PRKCA: variants seen among roughly 807,000 people sequenced by gnomAD.
The protein encoded by PRKCA is protein kinase C alpha type.
PRKCA carries 27 observed loss-of-function variants against 87.0 expected under a neutral mutation model. That is an observed-to-expected ratio of 0.31 (90% CI 0.23 to 0.43). PRKCA has a LOEUF of 0.43. Among genes scored for constraint, PRKCA ranks in the 20% least tolerant of loss-of-function variants. PRKCA has a pLI of 1.00. For missense variants in PRKCA, 518 were observed against 852.3 expected (o/e 0.61, Z 4.88); for synonymous variants, 329 against 311.1 (o/e 1.06, Z -0.61).
intron 3 of PRKCA, among the ~76,000 whole-genome samples, chr17:66,534,872 A>G (rs981705210): frequency 2.6e-5 from 4 of 152,164 alleles, no homozygotes; most frequent in Non-Finnish European, 5.9e-5. Flanking sequence ...GTCTAGTGTC[A>G]TATGCTGCTT....
intron 2 of PRKCA, among the ~76,000 whole-genome samples, chr17:66,494,230 T>C (rs554816834): frequency 1.3e-5 from 2 of 152,312 alleles, no homozygotes; most frequent in African/African-American, 4.8e-5. Flanking sequence ...GAGCCACACA[T>C]TTGGGAAACT....
chr17:66,475,161 T>C (rs1460642979), intron 2 of PRKCA, among the ~76,000 whole-genome samples: 1 of 152,202 alleles, frequency 6.6e-6, no homozygotes, highest in Non-Finnish European at 1.5e-5. Flanking sequence ...TTCATTCTCT[T>C]GTTGGAAAAC....
At chr17:66,451,723 C>T (rs1349492194) in intron 2 of PRKCA, among the ~76,000 whole-genome samples, 3 of 152,018 alleles carry the variant, frequency 2.0e-5, no homozygotes, top group South Asian at 2.1e-4. Flanking sequence ...GAGGAGGGGC[C>T]GGGGCAAGGA....
chr17:66,535,999 C>T (rs915708153), intron 3 of PRKCA, among the ~76,000 whole-genome samples: 1 of 152,182 alleles, frequency 6.6e-6, no homozygotes, highest in Non-Finnish European at 1.5e-5. Context: ...TAATTATTTG[C>T]CTGACTTTGG....
chr17:66,767,025 C>T (rs989080100), intron 13 of PRKCA, among the ~76,000 whole-genome samples: 1 of 151,956 alleles, frequency 6.6e-6, no homozygotes, highest in African/African-American at 2.4e-5. Context: ...TTTCATTAAT[C>T]CCAGTATCAA....
At chr17:66,332,693 T>TA (rs1906412440) in intron 2 of PRKCA, among the ~76,000 whole-genome samples, 1 of 121,526 alleles carries the variant, frequency 8.2e-6, no homozygotes, top group Non-Finnish European at 1.7e-5. Context: ...ATTTTGTTTT[T>TA]AATTTTTTTT....
intron 5 of PRKCA, among the ~76,000 whole-genome samples, chr17:66,663,032 G>C (rs954966965): frequency 4.3e-4 from 65 of 152,304 alleles, no homozygotes; most frequent in African/African-American, 1.4e-3. Flanking sequence ...CTCTTCTGCT[G>C]GCGGATGGAG....
intron 3 of PRKCA, among the ~76,000 whole-genome samples, chr17:66,502,697 C>A (rs987465389): frequency 5.3e-5 from 8 of 152,144 alleles, no homozygotes; most frequent in Non-Finnish European, 1.2e-4. Context: ...CTCTGTTGCC[C>A]AGGTTGGAGT....
chr17:66,706,872 C>G (rs1186103666), intron 8 of PRKCA, among the ~76,000 whole-genome samples: 5 of 152,194 alleles, frequency 3.3e-5, no homozygotes, highest in Non-Finnish European at 7.3e-5. Flanking sequence ...TGTATGCCCT[C>G]TGGTCCTTTA....
At chr17:66,777,496 C>G (rs1005863485) in intron 14 of PRKCA, 2 of 976,836 alleles carry the variant, frequency 2.0e-6, no homozygotes, top group African/African-American at 1.8e-5. Flanking sequence ...AAAGGCAGTT[C>G]GTACACAGTC....
chr17:66,402,206 C>T (rs1485281864), intron 2 of PRKCA, among the ~76,000 whole-genome samples: 1 of 152,078 alleles, frequency 6.6e-6, no homozygotes, highest in Non-Finnish European at 1.5e-5. Flanking sequence ...TTGGCAGTGT[C>T]AAGATACAAA....
intron 13 of PRKCA, among the ~76,000 whole-genome samples, chr17:66,749,842 G>A (rs1002938379): frequency 1.3e-5 from 2 of 152,104 alleles, no homozygotes; most frequent in African/African-American, 4.8e-5. Context: ...CATCACAGGT[G>A]TTGGGCTGAT....
At chr17:66,495,440 C>A (rs1916427539) in intron 2 of PRKCA, among the ~76,000 whole-genome samples, 4 of 152,014 alleles carry the variant, frequency 2.6e-5, no homozygotes, top group Admixed American at 2.6e-4. Context: ...CAGTTATTCT[C>A]TTTATATTTT....
intron 2 of PRKCA, among the ~76,000 whole-genome samples, chr17:66,377,670 A>G (rs1909513563): frequency 7.0e-6 from 1 of 141,968 alleles, no homozygotes; most frequent in Non-Finnish European, 1.5e-5. Context: ...TATATATAAA[A>G]TGTCTATTAT....
chr17:66,318,019 A>G (rs563329388), intron 2 of PRKCA, among the ~76,000 whole-genome samples: 2 of 152,368 alleles, frequency 1.3e-5, no homozygotes, highest in South Asian at 4.1e-4. Context: ...GAAGTTGTAC[A>G]TGGATGACTT....
At chr17:66,448,428 T>A (rs1914145408) in intron 2 of PRKCA, among the ~76,000 whole-genome samples, 1 of 152,214 alleles carries the variant, frequency 6.6e-6, no homozygotes, top group Non-Finnish European at 1.5e-5. Context: ...TAGGCTCTTC[T>A]TGAGCCCTAT....
intron 3 of PRKCA, among the ~76,000 whole-genome samples, chr17:66,564,211 T>C (rs899606531): frequency 6.6e-6 from 1 of 152,090 alleles, no homozygotes; most frequent in Non-Finnish European, 1.5e-5. Flanking sequence ...CCCGAGTAGC[T>C]AGAATTACAT....
At chr17:66,737,673 G>C (rs530493197) in intron 10 of PRKCA, among the ~76,000 whole-genome samples, 1 of 152,208 alleles carries the variant, frequency 6.6e-6, no homozygotes, top group Non-Finnish European at 1.5e-5. Context: ...CGGCCACTAC[G>C]TGTCAGCCTA....
At chr17:66,421,436 T>TG (rs1567820443) in intron 2 of PRKCA, among the ~76,000 whole-genome samples, 1 of 151,620 alleles carries the variant, frequency 6.6e-6, no homozygotes, top group Non-Finnish European at 1.5e-5. Context: ...CTGTTTTTTT[T>TG]TTTTTTTTTT....
Sources: allele counts gnomAD v4.1 joint callset (sites outside exome capture counted in the v4.1 genomes callset), GRCh38; gene constraint gnomAD v4.1.1; transcripts MANE v1.5; gene names NCBI Gene and HGNC (gene_info 2026-07-23, HGNC 2026-07-21).